Variants in SKA2 observed in about 807,000 individuals in gnomAD.
SKA2 encodes the protein spindle and kinetochore associated complex subunit 2, also known as spindle and kinetochore-associated protein 2.
SKA2 carries 13 observed loss-of-function variants against 16.9 expected under a neutral mutation model. The ratio of observed to expected loss-of-function variants is 0.77; its 90% CI spans 0.50 to 1.22. The LOEUF (loss-of-function observed/expected upper bound fraction) is 1.22, where lower values mean the gene tolerates loss of function less well. SKA2 is among the 50% of genes most tolerant of loss of function. The probability of loss-of-function intolerance (pLI) is 0.00; values close to 1 mark genes in which losing one functional copy is unlikely to be tolerated. For synonymous variants in SKA2, 47 were observed against 48.5 expected, an observed-to-expected ratio of 0.97 and a Z score of 0.13; for missense variants, 107 against 139.7, an observed-to-expected ratio of 0.77 and a Z score of 1.18.
intron 1 of SKA2, among the ~76,000 whole-genome samples, chr17:59,147,197 C>T (rs932332111): frequency 2.0e-5 from 3 of 151,910 alleles, no homozygotes; most frequent in Non-Finnish European, 4.4e-5. Context: ...AAATGAACCC[C>T]TTGGCCCCTC....
At chr17:59,129,086 C>T (rs1319514500) in intron 2 of SKA2, among the ~76,000 whole-genome samples, 3 of 151,834 alleles carry the variant, frequency 2.0e-5, no homozygotes, top group African/African-American at 7.3e-5. Context: ...TGGTGGCGCA[C>T]GCCTATAATC....
At chr17:59,118,538 T>TA (rs1162097362) in intron 3 of SKA2, among the ~76,000 whole-genome samples, 5 of 152,224 alleles carry the variant, frequency 3.3e-5, no homozygotes, top group Admixed American at 2.6e-4. Context: ...GTCAGGCACA[T>TA]ATAATGAAGA....
intron 1 of SKA2, among the ~76,000 whole-genome samples, chr17:59,143,898 C>T (rs1289288857): frequency 6.6e-6 from 1 of 152,056 alleles, no homozygotes; most frequent in East Asian, 1.9e-4. Context: ...TGGCTCATGC[C>T]TGTAATCCCA....
chr17:59,123,020 T>A lies in SKA2; in HGVS notation c.121-3525A>T, dbSNP rs368228180. Among the ~76,000 whole-genome samples the A allele has an allele frequency of 3.9e-4, 27 of 69,110 alleles. No individual in the cohort carries two copies. The South Asian group carries it at 5.5e-3, about 14-fold the overall frequency. 45.3% of individuals were successfully genotyped at this position (69,110 alleles called of 152,430 possible). The stretch of plus-strand genomic sequence containing the variant: ...CTGGGCGGCAGAGCAAAACCTTGTC[T>A]CAAAAAAAAAAAAAAAAAAGAAAAG... On this transcript the variant is annotated intron_variant, in intron 2 of 3. Coordinates refer to ENST00000330137, the MANE Select transcript of SKA2 (RefSeq NM_182620.4).
At chr17:59,139,396 C>CAAAA (rs113246125) in intron 1 of SKA2, among the ~76,000 whole-genome samples, 17 of 50,128 alleles carry the variant, frequency 3.4e-4, no homozygotes, top group Non-Finnish European at 5.7e-4. Flanking sequence ...GACTCCGTCT[C>CAAAA]AAAAAAAAAA....
chr17:59,119,552 A>G lies in SKA2; in HGVS notation c.121-57T>C. On this transcript the variant is annotated intron_variant, in intron 2 of 3. Transcript: ENST00000330137. The stretch of plus-strand genomic sequence containing the variant: ...ATTATGAAAGATTAAACTTTTTAAG[A>G]ATTAAAATACTGTATACATACAACA... The G allele has an allele frequency of 8.1e-6, 12 of 1,486,152 alleles. No individual in the cohort carries two copies. The South Asian group carries it at 1.0e-4, about 13-fold the overall frequency. 92.1% of individuals were successfully genotyped at this position (1,486,152 alleles called of 1,614,324 possible).
rs138522640 is a variant in SKA2 at position 59,123,241 on chromosome 17, C to CTTT, written c.121-3749_121-3747dup. ...ACTTTATCTTCCATAGTACAAAATT[C>CTTT]TTTTTTTTTTTTTTTTTTTTTTAAG... On this transcript the variant is annotated intron_variant, in intron 2 of 3. Transcript: ENST00000330137. 9.1e-5 allele frequency among the ~76,000 whole-genome samples: 9 copies of CTTT among 99,078 alleles called. No individual in the cohort carries two copies. The South Asian group carries it at 2.0e-3, about 22-fold the overall frequency. 65.0% of individuals were successfully genotyped at this position (99,078 alleles called of 152,430 possible).
At chr17:59,125,147 A>ATTT (rs10719455) in intron 2 of SKA2, among the ~76,000 whole-genome samples, 4 of 95,918 alleles carry the variant, frequency 4.2e-5, no homozygotes, top group South Asian at 3.6e-4. Context: ...CTAATTTTGT[A>ATTT]TTTTTTTTTT....
intron 2 of SKA2, among the ~76,000 whole-genome samples, chr17:59,123,285 G>A (rs1451299622): frequency 1.5e-5 from 2 of 137,818 alleles, no homozygotes; most frequent in Admixed American, 7.7e-5. Context: ...TTGGCTGGGT[G>A]TGATGGCTAA....
intron 3 of SKA2, among the ~76,000 whole-genome samples, chr17:59,117,684 C>G (rs912869390): frequency 6.6e-6 from 1 of 151,890 alleles, no homozygotes; most frequent in African/African-American, 2.4e-5. Flanking sequence ...CTTGGCCTCC[C>G]AAAGTGCCAA....
intron 1 of SKA2, among the ~76,000 whole-genome samples, chr17:59,132,012 G>T (rs2046414874): frequency 6.6e-6 from 1 of 152,112 alleles, no homozygotes; most frequent in African/African-American, 2.4e-5. Context: ...CCACCCTGAG[G>T]CCATTATGGA....
Position 59,112,232 on chromosome 17 carries a change from A to G in SKA2, c.*45T>C, listed in dbSNP as rs2046268200. ...AAGACATCTTCCTAAATTTCTCCGGAATTAAGCTCTTCTCTGTTAGAATTT... is the reference window on the plus strand; with the variant it reads ...AAGACATCTTCCTAAATTTCTCCGGGATTAAGCTCTTCTCTGTTAGAATTT... On this transcript the variant is annotated 3_prime_UTR_variant, in exon 4 of 4. Transcript: ENST00000330137. 1 of 1,501,748 alleles carries G rather than the reference A, an allele frequency of 6.7e-7. No homozygotes were observed. 93.0% of individuals were successfully genotyped at this position (1,501,748 alleles called of 1,614,324 possible).
intron 1 of SKA2, among the ~76,000 whole-genome samples, chr17:59,134,307 CT>C (rs2046429550): frequency 6.6e-6 from 1 of 152,070 alleles, no homozygotes; most frequent in South Asian, 2.1e-4. Context: ...AATTCCATAG[CT>C]TTTTTCAATG....
At chr17:59,139,333 G>A (rs2046470284) in intron 1 of SKA2, among the ~76,000 whole-genome samples, 1 of 148,034 alleles carries the variant, frequency 6.8e-6, no homozygotes, top group African/African-American at 2.5e-5. Flanking sequence ...GGAGGCAGAG[G>A]TTGCAGAGAG....
At chr17:59,140,354 G>A (rs913768967) in intron 1 of SKA2, among the ~76,000 whole-genome samples, 3 of 148,534 alleles carry the variant, frequency 2.0e-5, no homozygotes, top group Non-Finnish European at 4.5e-5. Context: ...TCAGCCTCCC[G>A]AGTAGCTGGG....
intron 2 of SKA2, among the ~76,000 whole-genome samples, chr17:59,127,326 T>C (rs982110051): frequency 6.6e-6 from 1 of 152,196 alleles, no homozygotes; most frequent in Non-Finnish European, 1.5e-5. Context: ...AACCTAGGAA[T>C]TGGAGTTCAG....
chr17:59,143,107 T>C (rs1257307899), intron 1 of SKA2, among the ~76,000 whole-genome samples: 1 of 151,842 alleles, frequency 6.6e-6, no homozygotes, highest in Non-Finnish European at 1.5e-5. Flanking sequence ...CTCTTATTTA[T>C]GGTATCTTGT....
In SKA2 at chr17:59,112,230, G is replaced by A. The variant is rs752756571; in HGVS notation, c.*47C>T. 2.0e-5 allele frequency: 30 copies of A among 1,487,298 alleles called. No homozygotes were observed. The highest frequency in any genetic ancestry group is 1.3e-4 in the South Asian group (11 of 84,564). The allele number at this position is 1,487,298 out of a possible 1,614,324, so 92.1% of individuals were successfully genotyped here. A position where few individuals can be genotyped will look rare whatever the true frequency, so the allele number is the denominator to read the frequency against. On this transcript the variant is annotated 3_prime_UTR_variant, in exon 4 of 4. Coordinates refer to ENST00000330137, the MANE Select transcript of SKA2 (RefSeq NM_182620.4). The stretch of plus-strand genomic sequence containing the variant: ...ACAAGACATCTTCCTAAATTTCTCC[G>A]GAATTAAGCTCTTCTCTGTTAGAAT...
intron 2 of SKA2, among the ~76,000 whole-genome samples, chr17:59,122,797 A>T (rs2046343911): frequency 6.6e-6 from 1 of 151,846 alleles, no homozygotes; most frequent in African/African-American, 2.4e-5. Flanking sequence ...TAATTTTTGT[A>T]GTTTTAGTAG....
Sources: allele counts gnomAD v4.1 joint callset (sites outside exome capture counted in the v4.1 genomes callset), GRCh38; gene constraint gnomAD v4.1.1; transcripts MANE v1.5; gene names NCBI Gene and HGNC (gene_info 2026-07-23, HGNC 2026-07-21).